FHIT: variants seen among roughly 807,000 people sequenced by gnomAD.
The protein encoded by FHIT is bis(5'-adenosyl)-triphosphatase.
Under a neutral mutation model 17.9 loss-of-function variants are expected in FHIT, and 19 were observed. The observed-to-expected ratio is 1.06, with a 90% CI of 0.74 to 1.56. The LOEUF is 1.56. Ranked by LOEUF, FHIT falls within the 40% of genes most tolerant of loss-of-function variation. The pLI, the probability that FHIT is intolerant of heterozygous loss-of-function variation, is 0.00. For synonymous variants in FHIT, 81 were observed against 69.7 expected (o/e 1.16, Z -0.81); for missense variants, 248 against 189.2 (o/e 1.31, Z -1.82).
intron 3 of FHIT, among the ~76,000 whole-genome samples, chr3:60,981,244 C>T (rs1231885099): frequency 2.6e-5 from 4 of 151,638 alleles, no homozygotes; most frequent in African/African-American, 4.8e-5. Context: ...GCTAAGGTCC[C>T]AAGGCAACAT....
intron 3 of FHIT, among the ~76,000 whole-genome samples, chr3:60,871,833 A>G (rs1704429743): frequency 6.6e-6 from 1 of 151,656 alleles, no homozygotes; most frequent in Non-Finnish European, 1.5e-5. Flanking sequence ...TTATTTATTT[A>G]TTTATTTTTT....
chr3:60,973,840 A>T (rs549812235), intron 3 of FHIT, among the ~76,000 whole-genome samples: 2 of 152,318 alleles, frequency 1.3e-5, no homozygotes, highest in Admixed American at 6.5e-5. Context: ...TATCACAGAC[A>T]ATACTCAGCA....
At chr3:60,071,143 C>T (rs1702751432) in intron 5 of FHIT, among the ~76,000 whole-genome samples, 1 of 152,078 alleles carries the variant, frequency 6.6e-6, no homozygotes, top group Admixed American at 6.6e-5. Context: ...AGAGTAGAGC[C>T]ACCAGCCACA....
chr3:60,572,092 T>G (rs568397457), intron 4 of FHIT, among the ~76,000 whole-genome samples: 27 of 152,114 alleles, frequency 1.8e-4, no homozygotes, highest in Non-Finnish European at 3.4e-4. Flanking sequence ...AGATTCTAAA[T>G]TATGGTCACT....
chr3:60,416,748 T>C (rs569069513), intron 5 of FHIT, among the ~76,000 whole-genome samples: 9 of 152,272 alleles, frequency 5.9e-5, no homozygotes, highest in Admixed American at 2.6e-4. Context: ...TACCTACTCA[T>C]GTGCACAAGG....
rs144834270 is a variant in FHIT, at chr3:60,750,438, G to A, written c.-18+71481C>T. Among the ~76,000 whole-genome samples, 527 of 152,146 alleles carry A rather than the reference G, an allele frequency of 3.5e-3. 3 individuals are homozygous for A. The highest frequency in any genetic ancestry group is 0.012 in the African/African-American group (501 of 41,516). ...CCACAATTCCCACATGTTGTGGGAG[G>A]AACCCAGCAGGAGGTGATTGAATTA... On this transcript the variant is annotated intron_variant, in intron 4 of 9. Coordinates refer to ENST00000492590, the MANE Select transcript of FHIT (RefSeq NM_002012.4).
intron 4 of FHIT, among the ~76,000 whole-genome samples, chr3:60,613,311 G>A (rs1233471909): frequency 6.6e-6 from 1 of 152,108 alleles, no homozygotes; most frequent in Non-Finnish European, 1.5e-5. Context: ...GAAACTAAGA[G>A]AGCCACCACT....
intron 2 of FHIT, among the ~76,000 whole-genome samples, chr3:61,126,789 T>C (rs1440749310): frequency 1.3e-5 from 2 of 151,812 alleles, no homozygotes; most frequent in Non-Finnish European, 2.9e-5. Context: ...CCAGGGTGGG[T>C]GGTGGAGGAG....
chr3:60,954,345 T>C (rs1314815435), intron 3 of FHIT, among the ~76,000 whole-genome samples: 5 of 152,206 alleles, frequency 3.3e-5, no homozygotes, highest in Non-Finnish European at 5.9e-5. Flanking sequence ...TTTGAAGCTT[T>C]TTACGACCAT....
chr3:60,884,409 A>G (rs1252604974), intron 3 of FHIT, among the ~76,000 whole-genome samples: 1 of 152,190 alleles, frequency 6.6e-6, no homozygotes, highest in South Asian at 2.1e-4. Context: ...AGATATCTGC[A>G]TACCCATGTT....
intron 3 of FHIT, among the ~76,000 whole-genome samples, chr3:60,895,681 T>C (rs546028005): frequency 0.045 from 2,957 of 65,706 alleles, 151 homozygotes; most frequent in African/African-American, 0.14. Context: ...TTTCTTTCTT[T>C]CTTTCTTTCT....
At chr3:60,454,701 G>T (rs2031977070) in intron 5 of FHIT, among the ~76,000 whole-genome samples, 1 of 151,986 alleles carries the variant, frequency 6.6e-6, no homozygotes, top group African/African-American at 2.4e-5. Context: ...AACTTTTAAA[G>T]TCCTAAATAT....
intron 4 of FHIT, among the ~76,000 whole-genome samples, chr3:60,767,740 G>T (rs1301771959): frequency 6.6e-6 from 1 of 152,202 alleles, no homozygotes; most frequent in African/African-American, 2.4e-5. Context: ...TCAAAGAAAG[G>T]CTTTCCCTCT....
chr3:59,823,077 T>C (rs993255593), intron 8 of FHIT, among the ~76,000 whole-genome samples: 4 of 152,202 alleles, frequency 2.6e-5, no homozygotes, highest in African/African-American at 9.7e-5. Context: ...CATTTCTGTT[T>C]TTGTTTGCTT....
chr3:60,042,385 C>G (rs1325918783), intron 5 of FHIT, among the ~76,000 whole-genome samples: 1 of 152,148 alleles, frequency 6.6e-6, no homozygotes, highest in East Asian at 1.9e-4. Context: ...GTACCACAAA[C>G]TGGCTGGCTT....
In FHIT at chr3:60,801,137, A is replaced by G. The variant is rs550033407; in HGVS notation, c.-18+20782T>C. On this transcript the variant is annotated intron_variant, in intron 4 of 9. Coordinates refer to ENST00000492590, the MANE Select transcript of FHIT (RefSeq NM_002012.4). ...GAAAACTTACATGCTTCAGATGTATATGTATAATGTGCTTCAGACATGTCT... is the reference window on the plus strand; with the variant it reads ...GAAAACTTACATGCTTCAGATGTATGTGTATAATGTGCTTCAGACATGTCT... 5.3e-5 allele frequency among the ~76,000 whole-genome samples: 8 copies of G among 152,308 alleles called. No individual in the cohort carries two copies. In the South Asian group the frequency reaches 1.7e-3, roughly 32 times the overall value.
intron 5 of FHIT, among the ~76,000 whole-genome samples, chr3:60,140,058 T>C (rs747043732): frequency 6.6e-6 from 1 of 152,078 alleles, no homozygotes; most frequent in African/African-American, 2.4e-5. Context: ...GAGACAGAGT[T>C]TGCAGTGAGC....
At chr3:60,681,971 AGAT>A (rs1553697008) in intron 4 of FHIT, among the ~76,000 whole-genome samples, 2 of 136,916 alleles carry the variant, frequency 1.5e-5, no homozygotes, top group African/African-American at 2.7e-5. Context: ...ACTAAACAGC[AGAT>A]TTTTTTTTTT....
At chr3:60,212,787 G>T (rs374576745) in intron 5 of FHIT, among the ~76,000 whole-genome samples, 51 of 152,244 alleles carry the variant, frequency 3.3e-4, no homozygotes, top group Middle Eastern at 3.4e-3. Flanking sequence ...AAGATGAAAT[G>T]GAAGATGTGA....
Sources: allele counts gnomAD v4.1 joint callset (sites outside exome capture counted in the v4.1 genomes callset), GRCh38; gene constraint gnomAD v4.1.1; transcripts MANE v1.5; gene names NCBI Gene and HGNC (gene_info 2026-07-23, HGNC 2026-07-21).